The following CPN2 variants were observed in gnomAD, a reference collection of about 807,000 sequenced individuals.
CPN2 encodes carboxypeptidase N 83 kDa chain.
For synonymous variants in CPN2, 336 were observed against 318.4 expected, an observed-to-expected ratio of 1.06 and a Z score of -0.59; for missense variants, 620 against 671.4, an observed-to-expected ratio of 0.92 and a Z score of 0.85.
At chr3:194,344,165 C>T (rs1216754417) in intron 1 of CPN2, among the ~76,000 whole-genome samples, 4 of 152,186 alleles carry the variant, frequency 2.6e-5, no homozygotes, top group Admixed American at 6.5e-5. Context: ...TCCCATTAAA[C>T]TCATGGGTTT....
chr3:194,341,760 G>C lies in CPN2; in HGVS notation c.943C>G (p.Leu315Val). ...AEGTFAHLSN[L>V]RSLMLSYNAI... ...TTGTATGAGAGCATGAGGGAACGCAGGTTGGACAGGTGGGCAAAGGTGCCC... is the reference window on the plus strand; with the variant it reads ...TTGTATGAGAGCATGAGGGAACGCACGTTGGACAGGTGGGCAAAGGTGCCC... The change falls in exon 2 of 2, where the codon CTG (leucine) becomes GTG (valine). Residue 315 changes from leucine (L) to valine (V), a missense_variant. By Grantham distance (32) the Leu-to-Val change is conservative. Transcript: ENST00000323830. 6.2e-7 allele frequency: 1 copy of C among 1,614,144 alleles called. No homozygotes were observed. Among genetic ancestry groups the C allele is most frequent in the Admixed American group, 1.7e-5 (1 of 60,030 alleles).
chr3:194,346,047 G>C (rs1576990947), intron 1 of CPN2, among the ~76,000 whole-genome samples: 1 of 152,218 alleles, frequency 6.6e-6, no homozygotes, highest in Non-Finnish European at 1.5e-5. Flanking sequence ...TGATGTGGGG[G>C]TTTGGCTGAG....
chr3:194,350,495 T>G (rs34225900), intron 1 of CPN2, among the ~76,000 whole-genome samples: 13,736 of 152,212 alleles, frequency 0.09, 694 homozygotes, highest in Non-Finnish European at 0.1. Flanking sequence ...CAGACTTAAT[T>G]ATCACCTCTG....
intron 1 of CPN2, among the ~76,000 whole-genome samples, chr3:194,344,856 C>T (rs1279149452): frequency 6.6e-6 from 1 of 152,136 alleles, no homozygotes; most frequent in African/African-American, 2.4e-5. Context: ...TAGACCCCAG[C>T]TACAGAGTTA....
intron 1 of CPN2, among the ~76,000 whole-genome samples, chr3:194,349,244 C>T (rs9817677): frequency 0.23 from 34,265 of 151,920 alleles, 4,401 homozygotes; most frequent in Non-Finnish European, 0.3. Context: ...GCCTGTAATC[C>T]CAGCTACTCG....
intron 1 of CPN2, 130 bp from the exon 2 acceptor site, chr3:194,342,835 G>A (rs1421813532): frequency 4.5e-5 from 26 of 571,934 alleles, no homozygotes; most frequent in Non-Finnish European, 7.9e-5. Context: ...CATGCGGCAG[G>A]ACCAAGACCC....
rs1243250169 is a variant in CPN2 at position 194,341,849 on chromosome 3, A to G, written c.854T>C (p.Phe285Ser). Reference sequence around the variant, plus strand: ...GCCAACCAGGCACGGGGTGTGGGCAAAGAGGCCGGCAGGCAGGACCCGAAG... The same window carrying G: ...GCCAACCAGGCACGGGGTGTGGGCAGAGAGGCCGGCAGGCAGGACCCGAAG... ...NMLRVLPAGL[F>S]AHTPCLVGLS... Residue 285 changes from phenylalanine (F) to serine (S), a missense_variant, in exon 2 of 2, where the codon TTT (phenylalanine) becomes TCT (serine). Transcript: ENST00000323830. 2.5e-6 allele frequency: 4 copies of G among 1,613,938 alleles called. No homozygotes were observed. Among genetic ancestry groups the G allele is most frequent in the Non-Finnish European group, 3.4e-6 (4 of 1,179,942 alleles).
chr3:194,344,780 C>T (rs565035025), intron 1 of CPN2, among the ~76,000 whole-genome samples: 8 of 152,328 alleles, frequency 5.3e-5, no homozygotes, highest in South Asian at 2.1e-4. Context: ...ATGTCCCTGC[C>T]ACTTAGGACA....
At position 194,341,961 on chromosome 3, in the gene CPN2, G is replaced by T. The variant is rs1474178974; in HGVS notation, c.742C>A (p.Leu248Met). 1 of 1,614,110 alleles carries T rather than the reference G, an allele frequency of 6.2e-7. No individual in the cohort carries two copies. The highest frequency in any genetic ancestry group is 8.5e-7 in the Non-Finnish European group (1 of 1,180,030). Residue 248 changes from leucine (L) to methionine (M), a missense_variant, in exon 2 of 2, where the codon CTG (leucine) becomes ATG (methionine). Physicochemically the swap from Leu to Met is conservative, Grantham distance 15 (BLOSUM62 2). Transcript: ENST00000323830. The part of the protein sequence containing the change: ...SQLFCLERLW[L>M]QRNAITHLPL... ...AGGTGCGTGATGGCGTTGCGTTGCA[G>T]CCACAGCCTCTCTAGGCAGAAGAGC...
chr3:194,340,828 G>T lies in CPN2; in HGVS notation c.*237C>A. The T allele has an allele frequency of 1.8e-6, 1 of 550,534 alleles. No individual in the cohort carries two copies. Among genetic ancestry groups the T allele is most frequent in the Non-Finnish European group, 3.0e-6 (1 of 329,092 alleles). The allele number at this position is 550,534 out of a possible 1,614,324, so 34.1% of individuals were successfully genotyped here. On this transcript the variant is annotated 3_prime_UTR_variant, in exon 2 of 2. Transcript: ENST00000323830. ...GTGGTGCAGCTTTTGAGGGTGCTTTGCAAGGCATAAGGATGGCCTTGTTAG... is the reference window on the plus strand; with the variant it reads ...GTGGTGCAGCTTTTGAGGGTGCTTTTCAAGGCATAAGGATGGCCTTGTTAG...
rs1483254601 is a variant in CPN2 at position 194,342,760 on chromosome 3, TGGCACAGTGACCAG to T, written c.-3-69_-3-56del. 2.3e-5 allele frequency: 18 copies of T among 783,648 alleles called. No individual in the cohort carries two copies. In the Admixed American group the frequency reaches 2.4e-4, roughly 10 times the overall value. The allele number at this position is 783,648 out of a possible 1,614,324, so 48.5% of individuals were successfully genotyped here. ...AGAGAAACTTGATCATCACACAGCA[TGGCACAGTGACCAG>T]GGCACAGTGACCAGGGCATAGTGAC... On this transcript the variant is annotated intron_variant, in intron 1 of 1. Transcript: ENST00000323830.
Position 194,341,383 on chromosome 3 carries a change from C to A in CPN2, c.1320G>T (p.Glu440Asp), listed in dbSNP as rs373535908. The A allele has an allele frequency of 1.9e-6, 3 of 1,614,144 alleles. No individual in the cohort carries two copies. The South Asian group carries it at 3.3e-5, about 18-fold the overall frequency. Residue 440 changes from glutamate to aspartate, a missense_variant, in exon 2 of 2, where the codon GAG (glutamate) becomes GAT (aspartate). Coordinates refer to ENST00000323830, the MANE Select transcript of CPN2 (RefSeq NM_001080513.4). ...LKGQVVPALN[E>D]KQLVCPVTRD... The stretch of plus-strand genomic sequence containing the variant: ...GGGTGACGGGACACACCAGCTGCTT[C>A]TCATTCAAGGCGGGCACCACCTGGC...
intron 1 of CPN2, among the ~76,000 whole-genome samples, chr3:194,350,841 A>G (rs999936239): frequency 6.6e-6 from 1 of 150,530 alleles, no homozygotes; most frequent in African/African-American, 2.5e-5. Context: ...CAATAATTAT[A>G]TTAATAAATA....
intron 1 of CPN2, among the ~76,000 whole-genome samples, 173 bp from the exon 2 acceptor site, chr3:194,342,878 C>G (rs1348334455): frequency 6.6e-6 from 1 of 152,034 alleles, no homozygotes; most frequent in Non-Finnish European, 1.5e-5. Context: ...TCTTCTCAGA[C>G]TGGGGAAAGA....
rs750873075 is a variant in CPN2, at chr3:194,342,261, C to T, written c.442G>A (p.Glu148Lys). The T allele has an allele frequency of 1.2e-6, 2 of 1,613,844 alleles. No individual in the cohort carries two copies. Among genetic ancestry groups the T allele is most frequent in the South Asian group, 1.1e-5 (1 of 91,076 alleles). Residue 148 changes from glutamate to lysine, a missense_variant, in exon 2 of 2, where the codon GAG becomes AAG. Physicochemically the swap from Glu to Lys is moderately conservative, Grantham distance 56. Coordinates refer to ENST00000323830, the MANE Select transcript of CPN2 (RefSeq NM_001080513.4). ...TGGTTCCCCTGCAGGTGGAGGGACT[C>T]CAGGGCAGCCAGGTGCTGGAAAAGA... ...EGLFQHLAAL[E>K]SLHLQGNQLQ... is the part of the protein sequence containing the mutation.
chr3:194,342,760 T>C, intron 1 of CPN2, 55 bp from the exon 2 acceptor site: 2 of 783,648 alleles, frequency 2.6e-6, no homozygotes, highest in Non-Finnish European at 4.3e-6. Flanking sequence ...TCACACAGCA[T>C]GGCACAGTGA....
chr3:194,344,414 C>T (rs768778711), intron 1 of CPN2, among the ~76,000 whole-genome samples: 1 of 152,196 alleles, frequency 6.6e-6, no homozygotes, highest in Non-Finnish European at 1.5e-5. Context: ...CTGACTCCTG[C>T]GGCCAGGCGC....
Position 194,342,140 on chromosome 3 carries a change from A to G in CPN2, c.563T>C (p.Leu188Pro). The G allele has an allele frequency of 1.2e-6, 2 of 1,614,120 alleles. No homozygotes were observed. Among genetic ancestry groups the G allele is most frequent in the Non-Finnish European group, 1.7e-6 (2 of 1,180,004 alleles). ...CTGCAGGCTGGTGAGTGGGTGGAACAGCTCCTCCGGGAGCTGGGCCAGGAG... is the reference window on the plus strand; with the variant it reads ...CTGCAGGCTGGTGAGTGGGTGGAACGGCTCCTCCGGGAGCTGGGCCAGGAG... ...QNLLAQLPEE[L>P]FHPLTSLQTL... The change falls in exon 2 of 2, where the codon CTG (leucine) becomes CCG (proline). Residue 188 changes from leucine to proline, a missense_variant. Leu to Pro is a moderately conservative substitution (Grantham distance 98). Coordinates refer to ENST00000323830, the MANE Select transcript of CPN2 (RefSeq NM_001080513.4).
At chr3:194,343,833 A>G (rs1712952898) in intron 1 of CPN2, among the ~76,000 whole-genome samples, 1 of 152,236 alleles carries the variant, frequency 6.6e-6, no homozygotes, top group Admixed American at 6.5e-5. Flanking sequence ...TGAGTAATTA[A>G]TCAACCACAT....
Sources: gnomAD v4.1 joint callset for allele counts (sites outside exome capture counted in the v4.1 genomes callset) on GRCh38, gnomAD v4.1.1 for gene constraint, MANE v1.5 for transcripts, NCBI Gene and HGNC (gene_info 2026-07-23, HGNC 2026-07-21) for gene names.